DPY19L1: variants seen among roughly 807,000 people sequenced by gnomAD.
DPY19L1 encodes dpy-19 like C-mannosyltransferase 1.
A neutral mutation model predicts 96.9 loss-of-function variants in DPY19L1; 35 were observed. The observed-to-expected ratio is 0.36, with a 90% CI of 0.28 to 0.48. DPY19L1 has a LOEUF of 0.48. Ranked by LOEUF, DPY19L1 falls within the 20% of genes least tolerant of loss-of-function variation. The pLI is 0.99. For missense variants in DPY19L1, 521 were observed against 777.9 expected (o/e 0.67, Z 3.93); for synonymous variants, 205 against 252.6 (o/e 0.81, Z 1.79).
intron 13 of DPY19L1, among the ~76,000 whole-genome samples, chr7:34,951,825 AGG>A (rs1186863402): frequency 6.6e-6 from 1 of 151,948 alleles, no homozygotes; most frequent in African/African-American, 2.4e-5. Flanking sequence ...AAAATGAAAA[AGG>A]GAGAAATAAC....
At chr7:35,037,500 C>CGGAGGGT (rs1786460834), upstream of DPY19L1, 2 of 310,626 alleles carry the variant, frequency 6.4e-6, no homozygotes, top group South Asian at 3.2e-4. Context: ...GGCGGGCGGG[C>CGGAGGGT]GGAGGGTGGA....
chr7:35,023,572 C>T (rs1325998880), intron 1 of DPY19L1, among the ~76,000 whole-genome samples: 3 of 152,162 alleles, frequency 2.0e-5, no homozygotes, highest in Non-Finnish European at 2.9e-5. Flanking sequence ...TCATAAAGCA[C>T]CTTCACAAAC....
In DPY19L1 at chr7:35,005,636, TAAAAAA is replaced by T. The variant is rs755623073; in HGVS notation, c.764+4826_764+4831del. ...CAAAATGGTAAAACCCTGTCTCTAC[TAAAAAA>T]AAAAAAAAAAAAAAAAAAAAATTAG... On this transcript the variant is annotated intron_variant, in intron 6 of 21. Transcript: ENST00000638088. Among the ~76,000 whole-genome samples the T allele has an allele frequency of 9.8e-4, 83 of 84,466 alleles. 1 individual carries two copies. Among genetic ancestry groups the T allele is most frequent in the South Asian group, 2.8e-3 (6 of 2,144 alleles). 55.4% of individuals were successfully genotyped at this position (84,466 alleles called of 152,430 possible).
intron 7 of DPY19L1, among the ~76,000 whole-genome samples, chr7:34,976,524 A>G (rs571314694): frequency 6.6e-6 from 1 of 152,314 alleles, no homozygotes; most frequent in South Asian, 2.1e-4. Context: ...TAGTTGCTAA[A>G]GCAGTGGCAG....
chr7:34,992,415 G>A (rs1785190168), intron 6 of DPY19L1, among the ~76,000 whole-genome samples: 1 of 152,132 alleles, frequency 6.6e-6, no homozygotes, highest in Non-Finnish European at 1.5e-5. Context: ...AGAGAGATGT[G>A]ACTGTGATCT....
At chr7:34,933,551 A>C (rs1783803296) in intron 21 of DPY19L1, among the ~76,000 whole-genome samples, 1 of 152,176 alleles carries the variant, frequency 6.6e-6, no homozygotes, top group Admixed American at 6.5e-5. Flanking sequence ...AGGGAGATTA[A>C]TGTTTGAGTC....
chr7:34,964,275 C>T (rs1041255600), intron 10 of DPY19L1, among the ~76,000 whole-genome samples: 2 of 152,046 alleles, frequency 1.3e-5, no homozygotes, highest in African/African-American at 4.8e-5. Flanking sequence ...TTGCTGCAAA[C>T]TACATTGTGT....
intron 7 of DPY19L1, among the ~76,000 whole-genome samples, chr7:34,984,832 AATT>A (rs536030590): frequency 8.2e-4 from 125 of 152,212 alleles, no homozygotes; most frequent in Non-Finnish European, 1.5e-3. Context: ...TCCTACCTCC[AATT>A]ATTAACTGTC....
rs1783972288 is a variant in DPY19L1, at chr7:34,940,214, C to T, written c.1803G>A (p.Gly601=). 1.2e-6 allele frequency: 2 copies of T among 1,610,260 alleles called. No individual in the cohort carries two copies. Among genetic ancestry groups the T allele is most frequent in the African/African-American group, 1.3e-5 (1 of 74,700 alleles). Residue 601 remains glycine (G), a synonymous_variant, in exon 19 of 22, where the codon GGG becomes GGA. Transcript: ENST00000638088. ...CTTCTTGGGGCAAATTGCTGAACTC[C>T]CCTACAATATTCCACTGGGTTTGCA... ...ANLQTQWNIV[G]EFSNLPQEEL...
At chr7:34,940,016 A>C in intron 19 of DPY19L1, 137 bp downstream of exon 19, 1 of 726,006 alleles carries the variant, frequency 1.4e-6, no homozygotes, top group Non-Finnish European at 2.0e-6. Context: ...TTTGTTTTAG[A>C]TATTCTAAAA....
chr7:34,940,344 A>G lies in DPY19L1; in HGVS notation c.1690-17T>C, dbSNP rs751272093. On this transcript the variant is annotated splice_polypyrimidine_tract_variant and intron_variant, in intron 18 of 21. Transcript: ENST00000638088. ...TCCAAATAGCTGAAACCAAATTAAG[A>G]ATACATTGGTAATTGTTAGTATAAG... 1.3e-6 allele frequency: 2 copies of G among 1,599,996 alleles called. No individual in the cohort carries two copies. The highest frequency in any genetic ancestry group is 1.7e-6 in the Non-Finnish European group (2 of 1,174,640).
At chr7:34,963,750 T>C (rs1329191623) in intron 10 of DPY19L1, among the ~76,000 whole-genome samples, 3 of 152,148 alleles carry the variant, frequency 2.0e-5, no homozygotes, top group African/African-American at 4.8e-5. Context: ...TGGACTATTA[T>C]TTAGCTTTAA....
At chr7:34,966,746 T>G in intron 10 of DPY19L1, 148 bp downstream of exon 10, 3 of 742,626 alleles carry the variant, frequency 4.0e-6, no homozygotes, top group East Asian at 4.0e-5. Context: ...TCTATCAAAA[T>G]GAGGTCTGTT....
rs530703965 is a variant in DPY19L1, at chr7:34,942,556, A to G, written c.1569+59T>C. 7.0e-5 allele frequency: 95 copies of G among 1,357,736 alleles called. 1 individual carries two copies. Among genetic ancestry groups the G allele is most frequent in the Admixed American group, 6.2e-4 (30 of 48,280 alleles). The allele number at this position is 1,357,736 out of a possible 1,614,324, so 84.1% of individuals were successfully genotyped here. On this transcript the variant is annotated intron_variant, in intron 17 of 21. Transcript: ENST00000638088. Reference sequence around the variant, plus strand: ...AAGTTAGAAACTGGAACTAGAAAGGAAAGTCCAAATGCATGCAACTTTAAG... The same window carrying G: ...AAGTTAGAAACTGGAACTAGAAAGGGAAGTCCAAATGCATGCAACTTTAAG...
intron 6 of DPY19L1, among the ~76,000 whole-genome samples, chr7:34,999,193 A>G (rs189177844): frequency 6.6e-6 from 1 of 152,320 alleles, no homozygotes; most frequent in Non-Finnish European, 1.5e-5. Context: ...CTAAAGAGAG[A>G]AAGATGAACC....
intron 6 of DPY19L1, among the ~76,000 whole-genome samples, chr7:34,994,463 A>T (rs1240477457): frequency 6.6e-6 from 1 of 152,178 alleles, no homozygotes; most frequent in Non-Finnish European, 1.5e-5. Flanking sequence ...AATAACTTTA[A>T]TTTTCTAAAT....
chr7:34,929,645 T>C lies in DPY19L1; in HGVS notation c.*1928A>G, dbSNP rs1783709627. On this transcript the variant is annotated 3_prime_UTR_variant, in exon 22 of 22. Transcript: ENST00000638088. ...TCAGCCACACTCAGGTGAGCAACAA[T>C]CACAGATAAGCAGCGCGCACCTCCC... 6.6e-6 allele frequency: 1 copy of C among 152,108 alleles called. No homozygotes were observed. The highest frequency in any genetic ancestry group is 2.4e-5 in the African/African-American group (1 of 41,418). The allele number at this position is 152,108 out of a possible 1,614,324, so 9.4% of individuals were successfully genotyped here. A position where few individuals can be genotyped will look rare whatever the true frequency, so the allele number is the denominator to read the frequency against.
At chr7:34,970,161 C>G (rs1408013826) in intron 8 of DPY19L1, among the ~76,000 whole-genome samples, 7 of 152,116 alleles carry the variant, frequency 4.6e-5, no homozygotes, top group Non-Finnish European at 4.4e-5. Context: ...GCAAAGCCCC[C>G]ACACATGTCC....
chr7:34,938,116 G>A lies in DPY19L1; in HGVS notation c.1968C>T (p.Ala656=), dbSNP rs1265828467. The A allele has an allele frequency of 6.2e-7, 1 of 1,610,752 alleles. No individual in the cohort carries two copies. The highest frequency in any genetic ancestry group is 8.5e-7 in the Non-Finnish European group (1 of 1,179,008). The change falls in exon 21 of 22, where the codon GCC becomes GCT. Residue 656 remains alanine (A), a synonymous_variant. Transcript: ENST00000638088. The part of the protein sequence containing the change: ...HPHYEDAGLR[A]RTKIVYSMYS... ...ACATTGAGTATACTATTTTTGTTCT[G>A]GCTCTTTAAAGAAAAATAATTGGGC...
Sources: allele counts gnomAD v4.1 joint callset (sites outside exome capture counted in the v4.1 genomes callset), GRCh38; gene constraint gnomAD v4.1.1; transcripts MANE v1.5; gene names NCBI Gene and HGNC (gene_info 2026-07-23, HGNC 2026-07-21).